PTPRM: variants seen among roughly 807,000 people sequenced by gnomAD.
The protein encoded by PTPRM is protein tyrosine phosphatase receptor type M.
In PTPRM, 47 loss-of-function variants were observed where a neutral mutation model predicts 186.7. The ratio of observed to expected loss-of-function variants is 0.25; its 90% CI spans 0.20 to 0.32. The LOEUF (loss-of-function observed/expected upper bound fraction) is 0.32, where lower values mean the gene tolerates loss of function less well. Among genes scored for constraint, PTPRM ranks in the 10% least tolerant of loss-of-function variants. The probability of loss-of-function intolerance (pLI) is 1.00; values close to 1 mark genes in which losing one functional copy is unlikely to be tolerated. For synonymous variants in PTPRM, 668 were observed against 674.9 expected, an observed-to-expected ratio of 0.99 and a Z score of 0.16; for missense variants, 1,494 against 1,865.0, an observed-to-expected ratio of 0.80 and a Z score of 3.66.
chr18:7,581,192 G>A (rs939450146), intron 1 of PTPRM, among the ~76,000 whole-genome samples: 6 of 152,172 alleles, frequency 3.9e-5, no homozygotes, highest in African/African-American at 1.4e-4. Context: ...ACAGGTAACA[G>A]AGAAGGCCAA....
At chr18:8,336,268 CTA>C (rs1484120725) in intron 22 of PTPRM, among the ~76,000 whole-genome samples, 1 of 151,980 alleles carries the variant, frequency 6.6e-6, no homozygotes, top group African/African-American at 2.4e-5. Flanking sequence ...GTATGAAAGA[CTA>C]TTGTGAGGCT....
intron 1 of PTPRM, among the ~76,000 whole-genome samples, chr18:7,686,152 G>A (rs2039597240): frequency 6.6e-6 from 1 of 152,170 alleles, no homozygotes; most frequent in Admixed American, 6.5e-5. Context: ...AAGACCCAGA[G>A]TCCTTTGGAG....
At chr18:8,389,875 C>T (rs771418732) in intron 31 of PTPRM, among the ~76,000 whole-genome samples, 102 of 152,052 alleles carry the variant, frequency 6.7e-4, no homozygotes, top group Non-Finnish European at 1.3e-3. Flanking sequence ...CAAGACCTGC[C>T]GGTGCTTTGA....
At chr18:7,795,584 A>G (rs2043588424) in intron 2 of PTPRM, among the ~76,000 whole-genome samples, 1 of 151,918 alleles carries the variant, frequency 6.6e-6, no homozygotes, top group Non-Finnish European at 1.5e-5. Context: ...TTTACAGAGG[A>G]GTTGAGGTAG....
chr18:7,663,584 G>A (rs759401162), intron 1 of PTPRM, among the ~76,000 whole-genome samples: 2 of 152,320 alleles, frequency 1.3e-5, no homozygotes, highest in South Asian at 2.1e-4. Flanking sequence ...GCAGGGTTCC[G>A]TGGGGGAAGG....
intron 2 of PTPRM, among the ~76,000 whole-genome samples, chr18:7,851,966 A>G (rs569689971): frequency 7.4e-4 from 113 of 152,310 alleles, no homozygotes; most frequent in African/African-American, 2.6e-3. Flanking sequence ...ACTGATATTG[A>G]ACTTCAGTAA....
chr18:7,848,223 G>A lies in PTPRM; in HGVS notation c.197-39883G>A, dbSNP rs1423938457. The stretch of plus-strand genomic sequence containing the variant: ...GCTGGACTGAAATCATAATGTTAAG[G>A]CTTTTATTTGTATACTTACTTAAAT... On this transcript the variant is annotated intron_variant, in intron 2 of 32. Transcript: ENST00000580170. 2.0e-5 allele frequency among the ~76,000 whole-genome samples: 3 copies of A among 152,066 alleles called. No homozygotes were observed. In the East Asian group the frequency reaches 5.8e-4, roughly 29 times the overall value.
chr18:7,608,122 A>G (rs1420677037), intron 1 of PTPRM, among the ~76,000 whole-genome samples: 1 of 152,202 alleles, frequency 6.6e-6, no homozygotes, highest in Non-Finnish European at 1.5e-5. Context: ...TGATATTCAC[A>G]TCAAAGGAAC....
intron 20 of PTPRM, among the ~76,000 whole-genome samples, chr18:8,297,411 G>A (rs527673032): frequency 2.9e-4 from 44 of 152,244 alleles, no homozygotes; most frequent in African/African-American, 1.0e-3. Flanking sequence ...ACATTTCTTA[G>A]TGTGACAGTA....
chr18:7,688,950 A>G (rs2039671872), intron 1 of PTPRM, among the ~76,000 whole-genome samples: 1 of 152,148 alleles, frequency 6.6e-6, no homozygotes, highest in Non-Finnish European at 1.5e-5. Context: ...GGTTTCAGCA[A>G]CTAAATGCAA....
intron 14 of PTPRM, among the ~76,000 whole-genome samples, chr18:8,161,979 C>T (rs2093238155): frequency 6.6e-6 from 1 of 152,160 alleles, no homozygotes; most frequent in South Asian, 2.1e-4. Context: ...TTGCTGTTGA[C>T]TCCTGTTATT....
At chr18:7,978,628 C>A (rs2055121456) in intron 7 of PTPRM, among the ~76,000 whole-genome samples, 1 of 152,144 alleles carries the variant, frequency 6.6e-6, no homozygotes, top group Non-Finnish European at 1.5e-5. Flanking sequence ...GTTAGCTTGG[C>A]ATATAACTTT....
chr18:7,671,633 C>T (rs541169355), intron 1 of PTPRM, among the ~76,000 whole-genome samples: 3 of 152,264 alleles, frequency 2.0e-5, no homozygotes, highest in South Asian at 2.1e-4. Flanking sequence ...TAATGATTAT[C>T]ATTTGTAAGG....
At chr18:8,381,323 A>G (rs916533515) in intron 29 of PTPRM, among the ~76,000 whole-genome samples, 6 of 151,230 alleles carry the variant, frequency 4.0e-5, no homozygotes, top group Admixed American at 6.6e-5. Flanking sequence ...CTGGAAATGA[A>G]TTAATTTCCT....
chr18:7,801,763 G>C (rs1032620846), intron 2 of PTPRM, among the ~76,000 whole-genome samples: 3 of 152,140 alleles, frequency 2.0e-5, no homozygotes, highest in Non-Finnish European at 4.4e-5. Flanking sequence ...GTCACTAGGC[G>C]ATAGGAATTT....
chr18:8,255,801 G>A (rs999639562), intron 19 of PTPRM, among the ~76,000 whole-genome samples: 2 of 152,208 alleles, frequency 1.3e-5, no homozygotes, highest in South Asian at 2.1e-4. Flanking sequence ...TGATGTTGTC[G>A]TCTAGTGGGG....
intron 7 of PTPRM, among the ~76,000 whole-genome samples, chr18:8,024,728 G>T (rs1168606591): frequency 7.3e-6 from 1 of 137,132 alleles, no homozygotes; most frequent in African/African-American, 2.8e-5. Context: ...TTGTCACCCA[G>T]GCTGGAGTAC....
Position 8,124,358 on chromosome 18 carries a change from G to A in PTPRM, c.2167+9531G>A, listed in dbSNP as rs138962237. On this transcript the variant is annotated intron_variant, in intron 13 of 32. Transcript: ENST00000580170. ...TCCATTTGCATCACCCATCAACTTC[G>A]ATAGCAGTGACACTGTCTTTTTTAA... 2.0e-4 allele frequency among the ~76,000 whole-genome samples: 30 copies of A among 152,202 alleles called. No homozygotes were observed. The East Asian group carries it at 3.5e-3, about 18-fold the overall frequency.
intron 2 of PTPRM, among the ~76,000 whole-genome samples, chr18:7,785,379 C>G (rs535324503): frequency 2.1e-4 from 32 of 152,120 alleles, no homozygotes; most frequent in African/African-American, 7.2e-4. Flanking sequence ...GAGATTCATG[C>G]TGAAGTGTTA....
Sources: gnomAD v4.1 joint callset for allele counts (sites outside exome capture counted in the v4.1 genomes callset) on GRCh38, gnomAD v4.1.1 for gene constraint, MANE v1.5 for transcripts, NCBI Gene and HGNC (gene_info 2026-07-23, HGNC 2026-07-21) for gene names.